INO80: variants seen among roughly 807,000 people sequenced by gnomAD.
INO80 encodes chromatin-remodeling ATPase INO80.
Under a neutral mutation model 203.4 loss-of-function variants are expected in INO80, and 20 were observed. The observed-to-expected ratio is 0.10, with a 90% CI of 0.07 to 0.14. INO80 has a LOEUF of 0.14. INO80 is among the 10% of genes least tolerant of loss of function. INO80 has a pLI of 1.00. For missense variants in INO80, 1,419 were observed against 1,914.4 expected (o/e 0.74, Z 4.83); for synonymous variants, 726 against 685.2 (o/e 1.06, Z -0.93).
chr15:41,098,662 A>C (rs2045760388), intron 1 of INO80, among the ~76,000 whole-genome samples: 1 of 152,044 alleles, frequency 6.6e-6, no homozygotes, highest in African/African-American at 2.4e-5. Context: ...GTGACAAAAA[A>C]AAGAAAAAGA....
In INO80 at chr15:41,095,678, G is replaced by T; in HGVS notation, c.314-10C>A. On this transcript the variant is annotated splice_polypyrimidine_tract_variant and intron_variant, in intron 3 of 35. Coordinates refer to ENST00000648947, the MANE Select transcript of INO80 (RefSeq NM_017553.3). ...TTATCACATTTTGATTCTGTATAAA[G>T]AAACACAAAGAATAAAAAAATTAAA... 6.2e-7 allele frequency: 1 copy of T among 1,606,938 alleles called. No homozygotes were observed. Among genetic ancestry groups the T allele is most frequent in the Non-Finnish European group, 8.5e-7 (1 of 1,174,260 alleles).
chr15:40,980,171 G>A lies in INO80; in HGVS notation c.*52C>T. On this transcript the variant is annotated 3_prime_UTR_variant, in exon 36 of 36. Coordinates refer to ENST00000648947, the MANE Select transcript of INO80 (RefSeq NM_017553.3). ...GCAAGCCATCCAAAGACCACTGGCA[G>A]GTCAGGACTCTAGCCCTGGTTTGGT... 6.9e-7 allele frequency: 1 copy of A among 1,442,552 alleles called. No individual in the cohort carries two copies. The highest frequency in any genetic ancestry group is 1.1e-5 in the South Asian group (1 of 87,506). The allele number at this position is 1,442,552 out of a possible 1,614,324, so 89.4% of individuals were successfully genotyped here.
rs1020071840 is a variant in INO80, at chr15:40,983,632, C to G, written c.4237+130G>C. ...TTGCTTTCCCTAAACCTCGTTTTCT[C>G]ATTTCACTTGACAAAGCTATTGAAA... On this transcript the variant is annotated intron_variant, in intron 34 of 35. Transcript: ENST00000648947. The G allele has an allele frequency of 2.3e-5, 18 of 794,582 alleles. No individual in the cohort carries two copies. The Admixed American group carries it at 4.1e-4, about 18-fold the overall frequency. The allele number at this position is 794,582 out of a possible 1,614,324, so 49.2% of individuals were successfully genotyped here. A position where few individuals can be genotyped will look rare whatever the true frequency, so the allele number is the denominator to read the frequency against.
intron 1 of INO80, among the ~76,000 whole-genome samples, chr15:41,107,069 T>C (rs1183573542): frequency 1.3e-5 from 2 of 152,254 alleles, no homozygotes; most frequent in Non-Finnish European, 2.9e-5. Context: ...CAAAGTTACT[T>C]AAATCAGCAC....
At chr15:41,022,280 T>C (rs2044305555) in intron 25 of INO80, among the ~76,000 whole-genome samples, 1 of 152,200 alleles carries the variant, frequency 6.6e-6, no homozygotes, top group South Asian at 2.1e-4. Flanking sequence ...AAACACCGGC[T>C]GTATCTAGTT....
intron 1 of INO80, among the ~76,000 whole-genome samples, chr15:41,109,850 T>C (rs2045933817): frequency 6.6e-6 from 1 of 151,470 alleles, no homozygotes. Flanking sequence ...GAGAATCACT[T>C]GAACCTGGGA....
chr15:41,049,225 C>A (rs766964578), intron 21 of INO80, 62 bp downstream of exon 21: 29 of 1,394,776 alleles, frequency 2.1e-5, no homozygotes, highest in Non-Finnish European at 2.7e-5. Context: ...AATTTATCTA[C>A]TAAGCCATAA....
Position 41,092,011 on chromosome 15 carries a change from C to A in INO80, c.537+16G>T, listed in dbSNP as rs1411114613. On this transcript the variant is annotated intron_variant, in intron 5 of 35. Coordinates refer to ENST00000648947, the MANE Select transcript of INO80 (RefSeq NM_017553.3). Reference sequence around the variant, plus strand: ...GGTGAATATTCAGTTTGAAGTGTTTCTCCTGAAACTCTTACCTCCTTGTCT... The same window carrying A: ...GGTGAATATTCAGTTTGAAGTGTTTATCCTGAAACTCTTACCTCCTTGTCT... 13 of 1,583,916 alleles carry A rather than the reference C, an allele frequency of 8.2e-6. No individual in the cohort carries two copies. Among genetic ancestry groups the A allele is most frequent in the African/African-American group, 1.3e-5 (1 of 74,298 alleles).
rs748202532 is a variant in INO80 at position 41,056,655 on chromosome 15, T to C, written c.2037A>G (p.Leu679=). Residue 679 remains leucine, a synonymous_variant, in exon 17 of 36, where the codon CTA becomes CTG. Coordinates refer to ENST00000648947, the MANE Select transcript of INO80 (RefSeq NM_017553.3). ...LQFQCRNRLL[L]TGTPIQNTMA... Reference sequence around the variant, plus strand: ...TGGTGTTCTGAATTGGGGTCCCGGTTAGCAAAAGCCGATTCCGACACTGGA... The same window carrying C: ...TGGTGTTCTGAATTGGGGTCCCGGTCAGCAAAAGCCGATTCCGACACTGGA... 2.5e-6 allele frequency: 4 copies of C among 1,614,054 alleles called. No individual in the cohort carries two copies. The highest frequency in any genetic ancestry group is 3.4e-6 in the Non-Finnish European group (4 of 1,179,994).
chr15:41,060,609 A>C (rs1483190278), intron 14 of INO80, among the ~76,000 whole-genome samples: 2 of 152,166 alleles, frequency 1.3e-5, no homozygotes, highest in African/African-American at 2.4e-5. Context: ...ATTGTAGTTC[A>C]AGGAAAAAGA....
intron 14 of INO80, among the ~76,000 whole-genome samples, chr15:41,063,268 C>G (rs1429605458): frequency 6.6e-6 from 1 of 152,024 alleles, no homozygotes. Flanking sequence ...ACCTGGGAGG[C>G]AGAGGTTGCA....
intron 25 of INO80, among the ~76,000 whole-genome samples, chr15:41,023,880 TTTTA>T (rs200709362): frequency 2.0e-5 from 3 of 151,430 alleles, no homozygotes; most frequent in South Asian, 2.1e-4. Flanking sequence ...ATTTAAAAAT[TTTTA>T]TTTATTTATT....
intron 26 of INO80, chr15:41,017,016 C>G (rs2044220840): frequency 6.6e-6 from 1 of 151,872 alleles, no homozygotes; most frequent in Non-Finnish European, 1.5e-5. Flanking sequence ...CCAAAACTAG[C>G]TCTCTTGGAG....
At chr15:41,030,745 T>C (rs968690467) in intron 24 of INO80, among the ~76,000 whole-genome samples, 15 of 151,948 alleles carry the variant, frequency 9.9e-5, no homozygotes, top group Non-Finnish European at 2.2e-4. Context: ...TGTGATCTTA[T>C]CTCACTGCAG....
At chr15:41,076,246 A>C (rs897328076) in intron 9 of INO80, among the ~76,000 whole-genome samples, 1 of 152,044 alleles carries the variant, frequency 6.6e-6, no homozygotes, top group African/African-American at 2.4e-5. Context: ...CTGTAATCCC[A>C]GCTACTTAGG....
At chr15:41,018,620 G>A (rs534432228) in intron 26 of INO80, 7 of 152,362 alleles carry the variant, frequency 4.6e-5, no homozygotes, top group African/African-American at 1.4e-4. Context: ...CACTATCTCT[G>A]ATTTGCTGGT....
intron 1 of INO80, among the ~76,000 whole-genome samples, chr15:41,099,617 C>CA (rs1225469974): frequency 6.6e-6 from 1 of 151,644 alleles, no homozygotes; most frequent in Non-Finnish European, 1.5e-5. Context: ...CTTGTCTCTA[C>CA]AAAAAAATTT....
At chr15:41,056,247 C>G (rs1444166653) in intron 17 of INO80, among the ~76,000 whole-genome samples, 4 of 152,020 alleles carry the variant, frequency 2.6e-5, no homozygotes, top group Non-Finnish European at 4.4e-5. Context: ...CACGCAGCCT[C>G]TATAAGGATT....
At chr15:41,090,854 A>G (rs973878465) in intron 5 of INO80, among the ~76,000 whole-genome samples, 8 of 151,386 alleles carry the variant, frequency 5.3e-5, no homozygotes, top group Non-Finnish European at 7.4e-5. Flanking sequence ...TTTTAAGAAC[A>G]TATCTTTTAG....
Sources: allele counts gnomAD v4.1 joint callset (sites outside exome capture counted in the v4.1 genomes callset), GRCh38; gene constraint gnomAD v4.1.1; transcripts MANE v1.5; gene names NCBI Gene and HGNC (gene_info 2026-07-23, HGNC 2026-07-21).